Variants in ZDHHC14 observed in about 807,000 individuals in gnomAD.
ZDHHC14 encodes the protein zDHHC palmitoyltransferase 14.
Under a neutral mutation model 47.7 loss-of-function variants are expected in ZDHHC14, and 16 were observed. The observed-to-expected ratio is 0.34, with a 90% confidence interval of 0.23 to 0.51. ZDHHC14 has a LOEUF of 0.51. ZDHHC14 is among the 20% of genes least tolerant of loss of function. The pLI is 0.97. For synonymous variants in ZDHHC14, 293 were observed against 278.9 expected (o/e 1.05, Z -0.50); for missense variants, 515 against 662.5 (o/e 0.78, Z 2.44).
intron 2 of ZDHHC14, among the ~76,000 whole-genome samples, chr6:157,571,219 G>A (rs962764128): frequency 6.6e-5 from 10 of 152,320 alleles, no homozygotes; most frequent in South Asian, 2.1e-4. Context: ...CTATGTGCAC[G>A]AGAGCATTCC....
At chr6:157,474,152 C>A (rs958304411) in intron 1 of ZDHHC14, among the ~76,000 whole-genome samples, 34 of 152,064 alleles carry the variant, frequency 2.2e-4, no homozygotes, top group African/African-American at 8.0e-4. Context: ...CCATGCCCAG[C>A]TAATTTTTTT....
chr6:157,513,398 G>A (rs371287697), intron 1 of ZDHHC14, among the ~76,000 whole-genome samples: 1 of 152,216 alleles, frequency 6.6e-6, no homozygotes, highest in African/African-American at 2.4e-5. Flanking sequence ...CAGGGTCGGA[G>A]CTGATAGTAA....
At chr6:157,633,854 T>C (rs1465093543) in intron 5 of ZDHHC14, among the ~76,000 whole-genome samples, 1 of 152,178 alleles carries the variant, frequency 6.6e-6, no homozygotes, top group Non-Finnish European at 1.5e-5. Context: ...GGTTTCACCA[T>C]GTTGGCCAGG....
chr6:157,438,773 G>A (rs1220022139), intron 1 of ZDHHC14, among the ~76,000 whole-genome samples: 8 of 152,200 alleles, frequency 5.3e-5, no homozygotes, highest in Admixed American at 3.3e-4. Context: ...CAAAATATTC[G>A]TGTTGGTGTC....
Position 157,546,201 on chromosome 6 carries a change from A to G in ZDHHC14, c.406+3456A>G, listed in dbSNP as rs901908082. 4.6e-5 allele frequency among the ~76,000 whole-genome samples: 7 copies of G among 152,326 alleles called. No individual in the cohort carries two copies. In the East Asian group the frequency reaches 1.4e-3, roughly 29 times the overall value. The stretch of plus-strand genomic sequence containing the variant: ...ATTTCCATCACTGATCTAACCCTTC[A>G]TAAGGAGTCCTCCCGTATACTACTT... On this transcript the variant is annotated intron_variant, in intron 2 of 8. Transcript: ENST00000359775.
chr6:157,542,274 T>C (rs1781794194), intron 1 of ZDHHC14, among the ~76,000 whole-genome samples: 1 of 152,228 alleles, frequency 6.6e-6, no homozygotes, highest in Non-Finnish European at 1.5e-5. Context: ...CGTGTCTATT[T>C]ATACAAGCTC....
chr6:157,544,659 C>A (rs1267314715), intron 2 of ZDHHC14, among the ~76,000 whole-genome samples: 1 of 96,916 alleles, frequency 1.0e-5, no homozygotes, highest in Non-Finnish European at 2.0e-5. Context: ...CAAACAACAA[C>A]AACAACAACA....
intron 1 of ZDHHC14, among the ~76,000 whole-genome samples, chr6:157,509,495 G>T (rs139301021): frequency 3.4e-4 from 52 of 152,262 alleles, no homozygotes; most frequent in African/African-American, 1.3e-3. Flanking sequence ...GAGGCATAGA[G>T]AAGTGAAATG....
At chr6:157,617,533 T>G (rs1346273981) in intron 3 of ZDHHC14, among the ~76,000 whole-genome samples, 1 of 152,142 alleles carries the variant, frequency 6.6e-6, no homozygotes, top group Non-Finnish European at 1.5e-5. Context: ...TGCTACAAGA[T>G]CCCAGAAACG....
chr6:157,600,789 C>CT, intron 3 of ZDHHC14, among the ~76,000 whole-genome samples: 1 of 152,168 alleles, frequency 6.6e-6, no homozygotes, highest in Non-Finnish European at 1.5e-5. Context: ...ATGACTGCCC[C>CT]TTCCCCTCAC....
rs979318631 is a variant in ZDHHC14 at position 157,586,927 on chromosome 6, T to TA, written c.407-6055dup. 1.3e-5 allele frequency among the ~76,000 whole-genome samples: 2 copies of TA among 152,222 alleles called. No individual in the cohort carries two copies. The highest frequency in any genetic ancestry group is 4.8e-5 in the African/African-American group (2 of 41,454). Reference sequence around the variant, plus strand: ...TCTTTGTAACAGAGGTTCAATCTTTTAAAAAATGCACTTTGGAACTAAAGA... The same window carrying TA: ...TCTTTGTAACAGAGGTTCAATCTTTTAAAAAAATGCACTTTGGAACTAAAGA... On this transcript the variant is annotated intron_variant, in intron 2 of 8. Coordinates refer to ENST00000359775, the MANE Select transcript of ZDHHC14 (RefSeq NM_024630.3). The surrounding 1 kb of genome is among the most constrained non-coding windows in gnomAD (Gnocchi z 4.6).
intron 1 of ZDHHC14, among the ~76,000 whole-genome samples, chr6:157,419,318 G>A (rs984739810): frequency 6.6e-6 from 1 of 152,170 alleles, no homozygotes; most frequent in African/African-American, 2.4e-5. Context: ...CTAATGTCAT[G>A]TGCCCATCAT....
At chr6:157,496,334 T>C (rs1033808867) in intron 1 of ZDHHC14, among the ~76,000 whole-genome samples, 1 of 152,050 alleles carries the variant, frequency 6.6e-6, no homozygotes, top group African/African-American at 2.4e-5. Flanking sequence ...AGGTGTTCCA[T>C]TGAGGGCTGG....
chr6:157,383,200 T>C (rs916965759), intron 1 of ZDHHC14, among the ~76,000 whole-genome samples: 1 of 152,206 alleles, frequency 6.6e-6, no homozygotes, highest in South Asian at 2.1e-4. Context: ...TTTTGGTTGC[T>C]TTTTTTGCAT....
chr6:157,560,253 C>T (rs1202291858), intron 2 of ZDHHC14, among the ~76,000 whole-genome samples: 4 of 152,178 alleles, frequency 2.6e-5, no homozygotes, highest in Non-Finnish European at 5.9e-5. Context: ...CCGACTGTTG[C>T]CACATCAGTT....
chr6:157,466,576 G>T (rs1466005267), intron 1 of ZDHHC14, among the ~76,000 whole-genome samples: 2 of 152,134 alleles, frequency 1.3e-5, no homozygotes, highest in South Asian at 4.1e-4. Flanking sequence ...GGTGGCTCAC[G>T]CCTGTGATCC....
intron 1 of ZDHHC14, among the ~76,000 whole-genome samples, chr6:157,496,541 C>T (rs1562448970): frequency 6.6e-6 from 1 of 152,080 alleles, no homozygotes; most frequent in Admixed American, 6.5e-5. Flanking sequence ...TGACTAGTGC[C>T]CTTATCAAAA....
chr6:157,634,083 A>G (rs911137642), intron 5 of ZDHHC14, among the ~76,000 whole-genome samples: 2 of 152,336 alleles, frequency 1.3e-5, no homozygotes, highest in Admixed American at 6.5e-5. Context: ...GATACATCTA[A>G]AAACAAATGT....
chr6:157,531,182 T>A (rs1187848176), intron 1 of ZDHHC14, among the ~76,000 whole-genome samples: 3 of 152,150 alleles, frequency 2.0e-5, no homozygotes, highest in African/African-American at 7.2e-5. Flanking sequence ...GGGTCTGCTC[T>A]GATGATTCCA....
Sources: gnomAD v4.1 joint callset for allele counts (sites outside exome capture counted in the v4.1 genomes callset) on GRCh38, gnomAD v4.1.1 for gene constraint, Gnocchi (gnomAD v3.1) non-coding constraint, MANE v1.5 for transcripts, NCBI Gene and HGNC (gene_info 2026-07-23, HGNC 2026-07-21) for gene names.